Variants in ARPP21 observed in about 807,000 individuals in gnomAD.
ARPP21 encodes the protein cAMP-regulated phosphoprotein 21.
Under a neutral mutation model 113.2 loss-of-function variants are expected in ARPP21, and 69 were observed. That is an observed-to-expected ratio of 0.61 (90% CI 0.50 to 0.74). The LOEUF (loss-of-function observed/expected upper bound fraction) is 0.74, where lower values mean the gene tolerates loss of function less well. ARPP21 is among the 30% of genes least tolerant of loss of function. ARPP21 has a pLI of 0.00. For missense variants in ARPP21, 1,070 were observed against 1,037.4 expected, an observed-to-expected ratio of 1.03 and a Z score of -0.43; for synonymous variants, 368 against 375.5, an observed-to-expected ratio of 0.98 and a Z score of 0.23.
chr3:35,652,543 A>G (rs985997206), intron 1 of ARPP21, among the ~76,000 whole-genome samples: 3 of 152,106 alleles, frequency 2.0e-5, no homozygotes, highest in Non-Finnish European at 4.4e-5. Flanking sequence ...TCATTTATTG[A>G]TTGGATCCTT....
At chr3:35,712,448 C>A (rs774547654) in intron 11 of ARPP21, among the ~76,000 whole-genome samples, 1 of 150,676 alleles carries the variant, frequency 6.6e-6, no homozygotes, top group Non-Finnish European at 1.5e-5. Flanking sequence ...TAGCAAAAGT[C>A]AAATTTATTT....
chr3:35,739,204 T>C, intron 17 of ARPP21, 113 bp from the exon 18 acceptor site: 1 of 1,239,496 alleles, frequency 8.1e-7, no homozygotes, highest in Non-Finnish European at 1.1e-6. Context: ...TTCCAAATTG[T>C]ACTTCCTGTC....
Position 35,676,398 on chromosome 3 carries a change from A to G in ARPP21, c.-212-3389A>G, listed in dbSNP as rs554533248. ...ACCTTCTACATGTTTATAAAATGTC[A>G]GGCTCTTAGATTAAAGCTTAAACAA... On this transcript the variant is annotated intron_variant, in intron 1 of 20. Transcript: ENST00000684406. Among the ~76,000 whole-genome samples the G allele has an allele frequency of 7.4e-4, 53 of 71,734 alleles. 1 individual carries two copies. The highest frequency in any genetic ancestry group is 2.5e-3 in the African/African-American group (50 of 19,870). 47.1% of individuals were successfully genotyped at this position (71,734 alleles called of 152,430 possible).
At chr3:35,660,640 A>C (rs1707309775) in intron 1 of ARPP21, among the ~76,000 whole-genome samples, 1 of 152,204 alleles carries the variant, frequency 6.6e-6, no homozygotes, top group Non-Finnish European at 1.5e-5. Flanking sequence ...GGTTAAGATA[A>C]TGACTAACTT....
chr3:35,759,482 T>C (rs2095684187), intron 19 of ARPP21, among the ~76,000 whole-genome samples: 1 of 152,146 alleles, frequency 6.6e-6, no homozygotes, highest in Non-Finnish European at 1.5e-5. Context: ...TTCTCTTTTT[T>C]TCAGGTAATT....
intron 15 of ARPP21, among the ~76,000 whole-genome samples, chr3:35,730,880 G>C (rs910526099): frequency 1.3e-5 from 2 of 152,156 alleles, no homozygotes; most frequent in African/African-American, 4.8e-5. Flanking sequence ...AAGCTTGAGG[G>C]AAGAAAGGCA....
chr3:35,730,994 G>A lies in ARPP21; in HGVS notation c.1459+1458G>A, dbSNP rs182253088. 3.5e-3 allele frequency among the ~76,000 whole-genome samples: 534 copies of A among 152,246 alleles called. 2 individuals carry two copies. The highest frequency in any genetic ancestry group is 0.012 in the African/African-American group (514 of 41,556). ...TCTGGATTATTGTAAGCACTATAAAGAAAATCAAAAGAACACTAGGATCAT... is the reference window on the plus strand; with the variant it reads ...TCTGGATTATTGTAAGCACTATAAAAAAAATCAAAAGAACACTAGGATCAT... On this transcript the variant is annotated intron_variant, in intron 15 of 20. Transcript: ENST00000684406.
chr3:35,685,604 A>T, intron 5 of ARPP21: 2 of 985,338 alleles, frequency 2.0e-6, no homozygotes, highest in Non-Finnish European at 2.4e-6. Flanking sequence ...AATTCACAGT[A>T]TTTGGAAAAC....
intron 19 of ARPP21, among the ~76,000 whole-genome samples, chr3:35,750,899 G>A (rs2151069158): frequency 6.6e-6 from 1 of 152,294 alleles, no homozygotes; most frequent in Non-Finnish European, 1.5e-5. Context: ...GGCTTTGGGT[G>A]AGCTGTTCCT....
intron 5 of ARPP21, chr3:35,685,056 T>C: frequency 1.0e-6 from 1 of 985,154 alleles, no homozygotes; most frequent in Non-Finnish European, 1.2e-6. Context: ...ACACAATATA[T>C]GTTAACTCTG....
At chr3:35,700,237 A>G (rs1275151616) in intron 9 of ARPP21, among the ~76,000 whole-genome samples, 5 of 151,836 alleles carry the variant, frequency 3.3e-5, no homozygotes, top group African/African-American at 1.2e-4. Flanking sequence ...TATTGCAGAA[A>G]GTCACACAGT....
chr3:35,681,979 C>A, intron 3 of ARPP21, 99 bp downstream of exon 3: 1 of 1,345,786 alleles, frequency 7.4e-7, no homozygotes, highest in Non-Finnish European at 1.0e-6. Context: ...TAAAGAGTTT[C>A]ACTGGTTATA....
At chr3:35,663,512 G>A (rs1035680007) in intron 1 of ARPP21, among the ~76,000 whole-genome samples, 2 of 152,186 alleles carry the variant, frequency 1.3e-5, no homozygotes, top group Non-Finnish European at 2.9e-5. Flanking sequence ...CCCCATGTAT[G>A]CATCATGAAG....
intron 6 of ARPP21, among the ~76,000 whole-genome samples, 184 bp from the exon 7 acceptor site, chr3:35,689,123 C>T (rs77044171): frequency 0.017 from 2,531 of 151,592 alleles, 64 homozygotes; most frequent in African/African-American, 0.055. Context: ...TTTTCAATCC[C>T]GGAATCTAAT....
At chr3:35,744,752 T>G (rs1282989133) in intron 19 of ARPP21, among the ~76,000 whole-genome samples, 1 of 152,210 alleles carries the variant, frequency 6.6e-6, no homozygotes, top group African/African-American at 2.4e-5. Context: ...CACGTGCTCC[T>G]TGCTGCTACT....
rs1171533326 is a variant in ARPP21, at chr3:35,740,963, G to T, written c.2010+1386G>T. Among the ~76,000 whole-genome samples, 6 of 151,928 alleles carry T rather than the reference G, an allele frequency of 3.9e-5. No individual in the cohort carries two copies. The East Asian group carries it at 9.7e-4, about 24-fold the overall frequency. ...GAATTAAAAAAAAAAATAGCTGGGT[G>T]TGGTGGCACATTCTTGTGGTCCTAC... On this transcript the variant is annotated intron_variant, in intron 18 of 20. Coordinates refer to ENST00000684406, the MANE Select transcript of ARPP21 (RefSeq NM_001385562.1).
intron 5 of ARPP21, chr3:35,684,777 A>G: frequency 3.0e-6 from 3 of 985,138 alleles, no homozygotes; most frequent in Non-Finnish European, 3.6e-6. Flanking sequence ...ATAAATTCCT[A>G]ATAGATTTTG....
Position 35,784,399 on chromosome 3 carries a change from C to G in ARPP21, c.2138-7983C>G, listed in dbSNP as rs140951202. 8.1e-3 allele frequency among the ~76,000 whole-genome samples: 1,235 copies of G among 152,290 alleles called. 16 individuals are homozygous for G. Among genetic ancestry groups the G allele is most frequent in the Middle Eastern group, 0.065 (19 of 294 alleles). ...GGAATATTTACACTAGGGAAATCAG[C>G]AAACACCACAAATCAGCGCTTTTGT... is the stretch of plus-strand genomic sequence containing the variant. On this transcript the variant is annotated intron_variant, in intron 19 of 20. Transcript: ENST00000684406.
chr3:35,714,494 G>T (rs11718987), intron 11 of ARPP21, among the ~76,000 whole-genome samples: 73,163 of 151,928 alleles, frequency 0.48, 18,432 homozygotes, highest in East Asian at 0.8. Flanking sequence ...CCTGTAACAA[G>T]TCATTTATTC....
Sources: allele counts gnomAD v4.1 joint callset (sites outside exome capture counted in the v4.1 genomes callset), GRCh38; gene constraint gnomAD v4.1.1; transcripts MANE v1.5; gene names NCBI Gene and HGNC (gene_info 2026-07-23, HGNC 2026-07-21).